The following KAT6B variants were observed in gnomAD, a reference collection of about 807,000 sequenced individuals.
KAT6B encodes the protein lysine acetyltransferase 6B.
KAT6B carries 10 observed loss-of-function variants against 187.5 expected under a neutral mutation model. The observed-to-expected ratio is 0.05, with a 90% CI of 0.03 to 0.09. The LOEUF is 0.09. Among genes scored for constraint, KAT6B ranks in the 10% least tolerant of loss-of-function variants. The pLI is 1.00. For missense variants in KAT6B, 1,952 were observed against 2,558.9 expected (o/e 0.76, Z 5.12); for synonymous variants, 861 against 926.8 (o/e 0.93, Z 1.29).
chr10:74,929,450 A>G (rs962460583), intron 3 of KAT6B, among the ~76,000 whole-genome samples: 1 of 152,246 alleles, frequency 6.6e-6, no homozygotes, highest in Admixed American at 6.5e-5. Flanking sequence ...GAATGGCAGT[A>G]TTAGTCATAC....
chr10:74,843,360 A>C lies in KAT6B; in HGVS notation c.503A>C (p.Asp168Ala). Reference protein sequence around the residue: ...RAVNNGRLLKDGPQYRVNYGS... With the variant: ...RAVNNGRLLKAGPQYRVNYGS... ...GTGAATAATGGGAGGTTACTGAAAGACGGACCGCAGTACAGGGTCAATTAT... is the reference window on the plus strand; with the variant it reads ...GTGAATAATGGGAGGTTACTGAAAGCCGGACCGCAGTACAGGGTCAATTAT... Residue 168 changes from aspartate to alanine, a missense_variant, in exon 3 of 18, where the codon GAC becomes GCC. Asp to Ala is a moderately radical substitution (Grantham distance 126, BLOSUM62 -2). Coordinates refer to ENST00000287239, the MANE Select transcript of KAT6B (RefSeq NM_012330.4). 1 of 1,613,240 alleles carries C rather than the reference A, an allele frequency of 6.2e-7. No individual in the cohort carries two copies. Among genetic ancestry groups the C allele is most frequent in the Non-Finnish European group, 8.5e-7 (1 of 1,179,510 alleles).
intron 3 of KAT6B, among the ~76,000 whole-genome samples, chr10:74,868,091 G>A (rs747977995): frequency 3.3e-5 from 5 of 152,142 alleles, no homozygotes; most frequent in African/African-American, 9.7e-5. Flanking sequence ...TTGAAGATAC[G>A]TGGTAGAGTT....
rs766137769 is a variant in KAT6B at position 75,025,136 on chromosome 10, G to T, written c.3551G>T (p.Gly1184Val). ...PTCEIEVEED[G>V]RKPVLRKAFQ... ...TGTGAGATTGAAGTGGAGGAAGATGGCAGGAAGCCAGTCCTGAGAAAAGCA... is the reference window on the plus strand; with the variant it reads ...TGTGAGATTGAAGTGGAGGAAGATGTCAGGAAGCCAGTCCTGAGAAAAGCA... The change falls in exon 17 of 18, where the codon GGC becomes GTC. Residue 1184 changes from glycine (G) to valine (V), a missense_variant. Physicochemically the swap from Gly to Val is moderately radical, Grantham distance 109. Around this residue, in one of 9 missense-constraint regions of KAT6B, gnomAD observed 758 missense variants for 891.4 expected, o/e 0.85. Transcript: ENST00000287239. 6.2e-7 allele frequency: 1 copy of T among 1,614,238 alleles called. No homozygotes were observed. The highest frequency in any genetic ancestry group is 8.5e-7 in the Non-Finnish European group (1 of 1,180,048).
At position 74,937,830 on chromosome 10, in the gene KAT6B, A is replaced by G. The variant is rs1849370152; in HGVS notation, c.622-22140A>G. Among the ~76,000 whole-genome samples the G allele has an allele frequency of 2.6e-5, 4 of 152,340 alleles. No homozygotes were observed. The South Asian group carries it at 8.3e-4, about 32-fold the overall frequency. ...TGTCGCTGCTTCTGCTATTACTGCT[A>G]TGATAACTACTACTAACTACTGCAA... On this transcript the variant is annotated intron_variant, in intron 3 of 17. Transcript: ENST00000287239.
chr10:74,889,755 A>G (rs1383797251), intron 3 of KAT6B, among the ~76,000 whole-genome samples: 1 of 152,242 alleles, frequency 6.6e-6, no homozygotes, highest in African/African-American at 2.4e-5. Context: ...GAATTTACAC[A>G]AGGCAGGCAG....
intron 3 of KAT6B, among the ~76,000 whole-genome samples, chr10:74,940,806 A>C (rs1329960104): frequency 6.6e-6 from 1 of 151,926 alleles, no homozygotes; most frequent in African/African-American, 2.4e-5. Context: ...TGAGTCCCTA[A>C]ATTAGGTGGT....
intron 16 of KAT6B, 52 bp from the exon 17 acceptor site, chr10:75,024,906 A>G (rs1225522758): frequency 6.4e-7 from 1 of 1,556,326 alleles, no homozygotes; most frequent in East Asian, 2.2e-5. Context: ...TATCGACTCA[A>G]CCATTTAATT....
At chr10:74,898,427 T>A (rs1421329948) in intron 3 of KAT6B, among the ~76,000 whole-genome samples, 2 of 152,148 alleles carry the variant, frequency 1.3e-5, no homozygotes, top group Admixed American at 6.5e-5. Flanking sequence ...ATTGTCTCAG[T>A]GGGTCTTCAC....
intron 3 of KAT6B, among the ~76,000 whole-genome samples, chr10:74,865,319 T>TC (rs1266938871): frequency 1.3e-5 from 2 of 152,340 alleles, no homozygotes; most frequent in African/African-American, 4.8e-5. Flanking sequence ...AGGAGAGTCT[T>TC]ACATGTTTTC....
At chr10:74,981,976 C>G in intron 11 of KAT6B, 48 bp downstream of exon 11, 1 of 1,544,810 alleles carries the variant, frequency 6.5e-7, no homozygotes, top group Non-Finnish European at 8.9e-7. Flanking sequence ...ATCTAGTACT[C>G]CTAATTGTTG....
At chr10:74,857,174 G>A (rs1842878543) in intron 3 of KAT6B, among the ~76,000 whole-genome samples, 1 of 152,224 alleles carries the variant, frequency 6.6e-6, no homozygotes. Context: ...ACAAATTACA[G>A]CAACTTAATG....
chr10:75,029,586 C>T lies in KAT6B; in HGVS notation c.4762C>T (p.Leu1588Phe), dbSNP rs1423474405. 1.7e-5 allele frequency: 28 copies of T among 1,614,020 alleles called. No homozygotes were observed. The highest frequency in any genetic ancestry group is 2.4e-5 in the Non-Finnish European group (28 of 1,180,034). Residue 1588 changes from leucine (L) to phenylalanine (F), a missense_variant, in exon 18 of 18, where the codon CTC (leucine) becomes TTC (phenylalanine). Leu to Phe is a conservative substitution (Grantham distance 22). Coordinates refer to ENST00000287239, the MANE Select transcript of KAT6B (RefSeq NM_012330.4). This position sits in a 1 kb window ranked among gnomAD's most constrained non-coding sequence, Gnocchi z 6.2. ...ADQSPQIATTLDDCQQSDHSS... is the reference protein window; with the variant it reads ...ADQSPQIATTFDDCQQSDHSS... ...CCAAAGTCCACAGATTGCCACCACG[C>T]TCGACGATTGCCAACAGTCGGACCA...
chr10:74,846,440 TG>T (rs1229677778), intron 3 of KAT6B, among the ~76,000 whole-genome samples: 19 of 152,244 alleles, frequency 1.2e-4, no homozygotes, highest in East Asian at 9.6e-4. Flanking sequence ...ATTTTTGTTT[TG>T]TTTTTTTGTT....
chr10:74,849,589 G>A (rs138076208), intron 3 of KAT6B, among the ~76,000 whole-genome samples: 2,208 of 152,242 alleles, frequency 0.015, 45 homozygotes, highest in Non-Finnish European at 0.017. Flanking sequence ...GTGAGCCACC[G>A]TGCCTGGCCA....
chr10:74,928,543 A>G (rs1589642933), intron 3 of KAT6B, among the ~76,000 whole-genome samples: 1 of 152,120 alleles, frequency 6.6e-6, no homozygotes, highest in Non-Finnish European at 1.5e-5. Context: ...TATTTATAAT[A>G]TTTTCTATTT....
chr10:74,986,091 T>C (rs1165702257), intron 12 of KAT6B, among the ~76,000 whole-genome samples: 1 of 152,076 alleles, frequency 6.6e-6, no homozygotes, highest in Non-Finnish European at 1.5e-5. Context: ...AAAGCCTAAG[T>C]ATCTCTGGCT....
chr10:74,945,377 G>T (rs571402072), intron 3 of KAT6B, among the ~76,000 whole-genome samples: 1 of 152,202 alleles, frequency 6.6e-6, no homozygotes, highest in Non-Finnish European at 1.5e-5. Flanking sequence ...GGAAGAGAAT[G>T]CAGGAAGGAA....
intron 13 of KAT6B, among the ~76,000 whole-genome samples, chr10:75,016,764 A>G (rs1241981994): frequency 6.6e-6 from 1 of 151,860 alleles, no homozygotes; most frequent in Non-Finnish European, 1.5e-5. Flanking sequence ...CGAGTTAAGG[A>G]GAAGTGTTAG....
intron 6 of KAT6B, 139 bp downstream of exon 6, chr10:74,970,240 G>C (rs1841759726): frequency 4.4e-6 from 3 of 675,146 alleles, no homozygotes; most frequent in Non-Finnish European, 8.0e-6. Flanking sequence ...TCTGAGTTTA[G>C]CACAGGTTGT....
Sources: gnomAD v4.1 joint callset for allele counts (sites outside exome capture counted in the v4.1 genomes callset) on GRCh38, gnomAD v4.1.1 for gene constraint, gnomAD v4.1.1 regional missense constraint, Gnocchi (gnomAD v3.1) non-coding constraint, MANE v1.5 for transcripts, NCBI Gene and HGNC (gene_info 2026-07-23, HGNC 2026-07-21) for gene names.